Variants in HELZ observed in about 807,000 individuals in gnomAD.
The protein encoded by HELZ is helicase with zinc finger.
Under a neutral mutation model 218.2 loss-of-function variants are expected in HELZ, and 23 were observed. The ratio of observed to expected loss-of-function variants is 0.11; its 90% CI spans 0.08 to 0.15. HELZ has a LOEUF of 0.15. Among genes scored for constraint, HELZ ranks in the 10% least tolerant of loss-of-function variants. HELZ has a pLI of 1.00. For synonymous variants in HELZ, 814 were observed against 829.4 expected (o/e 0.98, Z 0.32); for missense variants, 1,813 against 2,353.7 (o/e 0.77, Z 4.75).
At chr17:67,153,242 G>A (rs1458034665) in intron 17 of HELZ, among the ~76,000 whole-genome samples, 1 of 152,078 alleles carries the variant, frequency 6.6e-6, no homozygotes, top group Non-Finnish European at 1.5e-5. Context: ...AAAGAAAAAA[G>A]TATGCAGGAA....
chr17:67,154,073 T>C (rs920525439), intron 17 of HELZ, among the ~76,000 whole-genome samples: 2 of 152,266 alleles, frequency 1.3e-5, no homozygotes, highest in East Asian at 1.9e-4. Flanking sequence ...CTGCACATTT[T>C]ACTAGAGCAA....
At position 67,225,794 on chromosome 17, in the gene HELZ, A is replaced by C. The variant is rs1268557571; in HGVS notation, c.-18-6972T>G. Among the ~76,000 whole-genome samples, 11 of 152,354 alleles carry C rather than the reference A, an allele frequency of 7.2e-5. No homozygotes were observed. In the East Asian group the frequency reaches 2.1e-3, roughly 29 times the overall value. On this transcript the variant is annotated intron_variant, in intron 3 of 32. Coordinates refer to ENST00000358691, the MANE Select transcript of HELZ (RefSeq NM_014877.4). ...CTTTTATAAAACAGAAACTTGTTCT[A>C]AAATTGATTCATCTTAGCACAATCT... is the stretch of plus-strand genomic sequence containing the variant.
intron 2 of HELZ, among the ~76,000 whole-genome samples, chr17:67,241,477 T>G (rs1311530307): frequency 6.6e-6 from 1 of 152,222 alleles, no homozygotes; most frequent in Non-Finnish European, 1.5e-5. Flanking sequence ...GCTACTTACT[T>G]GTAGGTCCCT....
chr17:67,206,377 A>C (rs1281511367), intron 5 of HELZ, among the ~76,000 whole-genome samples: 2 of 152,236 alleles, frequency 1.3e-5, no homozygotes, highest in African/African-American at 2.4e-5. Context: ...GAAACTGAGT[A>C]GACTTAAAGG....
At chr17:67,161,342 A>G (rs77665121) in intron 15 of HELZ, among the ~76,000 whole-genome samples, 1,603 of 152,348 alleles carry the variant, frequency 0.011, 30 homozygotes, top group African/African-American at 0.036. Flanking sequence ...AGGAAATCAC[A>G]TACTTCGAAT....
chr17:67,117,294 G>A (rs2037456937), intron 27 of HELZ, among the ~76,000 whole-genome samples: 1 of 152,030 alleles, frequency 6.6e-6, no homozygotes, highest in Non-Finnish European at 1.5e-5. Flanking sequence ...TTAACACAAT[G>A]GAATTAAAGT....
At chr17:67,225,013 A>T in intron 3 of HELZ, 2 of 685,476 alleles carry the variant, frequency 2.9e-6, no homozygotes, top group South Asian at 2.7e-5. Flanking sequence ...GAAGGAGATA[A>T]GAGAAAGGGT....
chr17:67,194,079 G>A (rs1567880220), intron 8 of HELZ, 37 bp from the exon 9 acceptor site: 1 of 1,416,012 alleles, frequency 7.1e-7, no homozygotes, highest in Non-Finnish European at 9.9e-7. Context: ...ATCATTTGAG[G>A]CTAGCCAGTA....
chr17:67,110,429 G>A (rs536134612), intron 28 of HELZ, among the ~76,000 whole-genome samples: 1 of 152,194 alleles, frequency 6.6e-6, no homozygotes, highest in African/African-American at 2.4e-5. Context: ...TTAATAAAAA[G>A]ATGTATCTCA....
At chr17:67,113,556 T>C (rs1270029872) in intron 28 of HELZ, among the ~76,000 whole-genome samples, 3 of 152,036 alleles carry the variant, frequency 2.0e-5, no homozygotes, top group Non-Finnish European at 4.4e-5. Context: ...AACCGCCAAG[T>C]AGAGATTAAT....
intron 3 of HELZ, among the ~76,000 whole-genome samples, chr17:67,234,429 T>C (rs1225565161): frequency 6.6e-6 from 1 of 151,938 alleles, no homozygotes; most frequent in Admixed American, 6.6e-5. Flanking sequence ...ATCCTTTCCA[T>C]GGCCACCAAC....
intron 12 of HELZ, among the ~76,000 whole-genome samples, chr17:67,181,309 A>C (rs747414650): frequency 6.6e-6 from 1 of 152,218 alleles, no homozygotes; most frequent in East Asian, 1.9e-4. Context: ...AAAATGACAG[A>C]GCTTTCCCTG....
At chr17:67,203,531 G>A in intron 5 of HELZ, 88 bp from the exon 6 acceptor site, 2 of 1,481,010 alleles carry the variant, frequency 1.4e-6, no homozygotes, top group Admixed American at 1.9e-5. Flanking sequence ...TCACAAGCGT[G>A]GCTTTTTATA....
intron 9 of HELZ, among the ~76,000 whole-genome samples, chr17:67,192,335 A>G (rs933766031): frequency 3.9e-5 from 6 of 152,336 alleles, no homozygotes; most frequent in African/African-American, 1.4e-4. Flanking sequence ...AATGAACCAC[A>G]GCACAATATG....
chr17:67,097,094 T>C (rs530597682), intron 31 of HELZ, among the ~76,000 whole-genome samples: 2 of 152,304 alleles, frequency 1.3e-5, no homozygotes, highest in East Asian at 3.9e-4. Flanking sequence ...TCTCAGGGAA[T>C]AGGGAGACCC....
chr17:67,228,390 C>T (rs545756677), intron 3 of HELZ, among the ~76,000 whole-genome samples: 2 of 152,266 alleles, frequency 1.3e-5, no homozygotes, highest in South Asian at 2.1e-4. Context: ...AATTCGGTTA[C>T]TAACCTGAAA....
chr17:67,245,541 G>T, upstream of HELZ: 2 of 982,578 alleles, frequency 2.0e-6, no homozygotes, highest in Non-Finnish European at 2.4e-6. Flanking sequence ...CGCCCGCGGC[G>T]CGGCGCGGAG....
intron 32 of HELZ, among the ~76,000 whole-genome samples, chr17:67,079,522 G>A (rs940465675): frequency 6.6e-6 from 1 of 152,136 alleles, no homozygotes; most frequent in Admixed American, 6.5e-5. Flanking sequence ...CTCAGGATAA[G>A]TGCCTAGGTG....
chr17:67,244,574 G>C, intron 1 of HELZ: 2 of 966,260 alleles, frequency 2.1e-6, no homozygotes, highest in Non-Finnish European at 2.5e-6. Flanking sequence ...GCATTTCCGA[G>C]GAGGGGGCGG....
Sources: allele counts gnomAD v4.1 joint callset (sites outside exome capture counted in the v4.1 genomes callset), GRCh38; gene constraint gnomAD v4.1.1; transcripts MANE v1.5; gene names NCBI Gene and HGNC (gene_info 2026-07-23, HGNC 2026-07-21).